Variants in SH3BP4 observed in about 807,000 individuals in gnomAD.
The protein encoded by SH3BP4 is SH3 domain binding protein 4, also known as SH3 domain-binding protein 4.
Under a neutral mutation model 65.5 loss-of-function variants are expected in SH3BP4, and 33 were observed. The observed-to-expected ratio is 0.50, with a 90% CI of 0.38 to 0.67. The LOEUF (loss-of-function observed/expected upper bound fraction) is 0.67, where lower values mean the gene tolerates loss of function less well. Among genes scored for constraint, SH3BP4 ranks in the 30% least tolerant of loss-of-function variants. The pLI is 0.00. For synonymous variants in SH3BP4, 552 were observed against 545.5 expected (o/e 1.01, Z -0.17); for missense variants, 1,134 against 1,261.4 (o/e 0.90, Z 1.53).
intron 2 of SH3BP4, among the ~76,000 whole-genome samples, chr2:235,014,767 C>T (rs1363283201): frequency 1.3e-5 from 2 of 152,156 alleles, no homozygotes; most frequent in African/African-American, 4.8e-5. Flanking sequence ...GATGCCAGTC[C>T]TATTGGATTA....
At chr2:234,963,095 A>G (rs185253025) in intron 1 of SH3BP4, among the ~76,000 whole-genome samples, 122 of 152,234 alleles carry the variant, frequency 8.0e-4, no homozygotes, top group African/African-American at 2.9e-3. Context: ...TTGTTGACAT[A>G]TTTTCAGATC....
intron 2 of SH3BP4, among the ~76,000 whole-genome samples, chr2:235,001,289 T>C (rs1694089131): frequency 1.3e-5 from 2 of 152,118 alleles, no homozygotes; most frequent in Admixed American, 1.3e-4. Flanking sequence ...GTGGAGGTAG[T>C]TTTCTAAAGA....
Position 235,042,728 on chromosome 2 carries a change from G to C in SH3BP4, c.1959G>C (p.Val653=). ...TKYPTFQDRP[V]SSLKFGKLLK... The stretch of plus-strand genomic sequence containing the variant: ...ACCCGACTTTCCAGGACCGCCCGGT[G>C]TCCAGCCTCAAGTTTGGTAAGTTGC... The change falls in exon 4 of 6, where the codon GTG becomes GTC. Residue 653 remains valine (V), a synonymous_variant. Coordinates refer to ENST00000392011, the MANE Select transcript of SH3BP4 (RefSeq NM_014521.3). This position sits in a 1 kb window ranked among gnomAD's most constrained non-coding sequence, Gnocchi z 7.3. 1 of 1,614,212 alleles carries C rather than the reference G, an allele frequency of 6.2e-7. No homozygotes were observed. Among genetic ancestry groups the C allele is most frequent in the Non-Finnish European group, 8.5e-7 (1 of 1,180,042 alleles).
chr2:234,979,597 T>C (rs1693293088), intron 1 of SH3BP4: 1 of 152,264 alleles, frequency 6.6e-6, no homozygotes, highest in African/African-American at 2.4e-5. Context: ...TGCATCCAAG[T>C]TGATGCTGTG....
rs1178052803 is a variant in SH3BP4, at chr2:234,991,696, G to A, written c.-206-3607G>A. On this transcript the variant is annotated intron_variant, in intron 1 of 5. Transcript: ENST00000392011. This position sits in a 1 kb window ranked among gnomAD's most constrained non-coding sequence, Gnocchi z 4.2. ...CGTACCCCCCTCTTCTCAGCAAGGC[G>A]GTCCTTGTCCAGAGGCCTTGGGCCT... 2.0e-5 allele frequency among the ~76,000 whole-genome samples: 3 copies of A among 152,196 alleles called. No homozygotes were observed. Among genetic ancestry groups the A allele is most frequent in the Non-Finnish European group, 2.9e-5 (2 of 68,026 alleles).
intron 1 of SH3BP4, among the ~76,000 whole-genome samples, chr2:234,993,371 C>T (rs796165293): frequency 3.0e-4 from 46 of 152,306 alleles, no homozygotes; most frequent in African/African-American, 8.9e-4. Flanking sequence ...GCGATGGACC[C>T]GCCTGATGAA....
chr2:235,020,763 TTG>T (rs1694826019), intron 2 of SH3BP4, among the ~76,000 whole-genome samples: 1 of 152,208 alleles, frequency 6.6e-6, no homozygotes, highest in African/African-American at 2.4e-5. Flanking sequence ...GAAGTGCTTT[TTG>T]TGTACCTATT....
In SH3BP4 at chr2:235,035,529, A is replaced by G. The variant is rs541822099; in HGVS notation, c.118+409A>G. Among the ~76,000 whole-genome samples the G allele has an allele frequency of 6.6e-6, 1 of 152,310 alleles. No homozygotes were observed. Among genetic ancestry groups the G allele is most frequent in the South Asian group, 2.1e-4 (1 of 4,818 alleles). On this transcript the variant is annotated intron_variant, in intron 3 of 5. Coordinates refer to ENST00000392011, the MANE Select transcript of SH3BP4 (RefSeq NM_014521.3). The surrounding 1 kb of genome is among the most constrained non-coding windows in gnomAD (Gnocchi z 5.0). The stretch of plus-strand genomic sequence containing the variant: ...AAACAGTCTGATGGGAAATATTTGA[A>G]GCTTTGCAGGCCGTATACCATCTCT...
At position 234,985,810 on chromosome 2, in the gene SH3BP4, C is replaced by T. The variant is rs111737200; in HGVS notation, c.-206-9493C>T. Among the ~76,000 whole-genome samples the T allele has an allele frequency of 9.7e-3, 1,461 of 151,380 alleles. 24 individuals carry two copies. The highest frequency in any genetic ancestry group is 0.031 in the African/African-American group (1,273 of 40,970). On this transcript the variant is annotated intron_variant, in intron 1 of 5. Coordinates refer to ENST00000392011, the MANE Select transcript of SH3BP4 (RefSeq NM_014521.3). ...TGCAGGTGAACCAGCCTGTGACACA[C>T]GCCTACGAGCTCAAGGAGCATGATG...
intron 1 of SH3BP4, among the ~76,000 whole-genome samples, chr2:234,969,532 C>T (rs1344948219): frequency 2.0e-5 from 3 of 152,202 alleles, no homozygotes; most frequent in South Asian, 2.1e-4. Flanking sequence ...CGCCAGTTGT[C>T]GCCTTCCAGC....
chr2:235,038,600 G>T (rs780434912), intron 3 of SH3BP4, among the ~76,000 whole-genome samples: 9 of 151,310 alleles, frequency 5.9e-5, no homozygotes, highest in Non-Finnish European at 1.2e-4. Context: ...TTGATGAGGT[G>T]TGGAGAGTCC....
At chr2:235,011,661 A>G (rs918495257) in intron 2 of SH3BP4, among the ~76,000 whole-genome samples, 1 of 152,180 alleles carries the variant, frequency 6.6e-6, no homozygotes, top group Non-Finnish European at 1.5e-5. Context: ...TATTCCTGGC[A>G]AAGGCTCAGT....
At chr2:235,025,311 AG>A (rs932097433) in intron 2 of SH3BP4, among the ~76,000 whole-genome samples, 1 of 152,136 alleles carries the variant, frequency 6.6e-6, no homozygotes, top group Non-Finnish European at 1.5e-5. Context: ...AAGCGAGCCA[AG>A]GTGTCTGCGG....
chr2:235,015,650 C>T (rs973224216), intron 2 of SH3BP4, among the ~76,000 whole-genome samples: 2 of 152,016 alleles, frequency 1.3e-5, no homozygotes, highest in East Asian at 1.9e-4. Flanking sequence ...GTTTCCCAGG[C>T]GGGTAGAGGA....
In SH3BP4 at chr2:235,050,491, G is replaced by A. The variant is rs570389992; in HGVS notation, c.2479-2071G>A. 2.6e-5 allele frequency among the ~76,000 whole-genome samples: 4 copies of A among 152,182 alleles called. No individual in the cohort carries two copies. The South Asian group carries it at 6.2e-4, about 24-fold the overall frequency. On this transcript the variant is annotated intron_variant, in intron 4 of 5. Coordinates refer to ENST00000392011, the MANE Select transcript of SH3BP4 (RefSeq NM_014521.3). ...CTCAAACCCCCTTCTGGCCAGCCTC[G>A]TTGGTAGCCAGCTGTCAGCCTCTCA... is the stretch of plus-strand genomic sequence containing the variant.
At chr2:234,999,611 C>T (rs1364825968) in intron 2 of SH3BP4, among the ~76,000 whole-genome samples, 1 of 152,180 alleles carries the variant, frequency 6.6e-6, no homozygotes, top group Non-Finnish European at 1.5e-5. Context: ...GGCACAATAG[C>T]ATGTTACATA....
chr2:235,003,956 G>A (rs1694211801), intron 2 of SH3BP4, among the ~76,000 whole-genome samples: 1 of 152,160 alleles, frequency 6.6e-6, no homozygotes, highest in Non-Finnish European at 1.5e-5. Flanking sequence ...CCTCTGTGGG[G>A]TACATTGCTC....
At chr2:235,051,055 G>A (rs984500721) in intron 4 of SH3BP4, among the ~76,000 whole-genome samples, 4 of 152,152 alleles carry the variant, frequency 2.6e-5, no homozygotes, top group African/African-American at 4.8e-5. Flanking sequence ...CCCATTGTTG[G>A]ATGAGAGAAA....
At chr2:235,038,764 C>T (rs6726679) in intron 3 of SH3BP4, among the ~76,000 whole-genome samples, 1 of 151,682 alleles carries the variant, frequency 6.6e-6, no homozygotes, top group Non-Finnish European at 1.5e-5. Context: ...GGGTCTATGA[C>T]CTGCTTCAGG....
Sources: allele counts gnomAD v4.1 joint callset (sites outside exome capture counted in the v4.1 genomes callset), GRCh38; gene constraint gnomAD v4.1.1; non-coding constraint Gnocchi (gnomAD v3.1); transcripts MANE v1.5; gene names NCBI Gene and HGNC (gene_info 2026-07-23, HGNC 2026-07-21).